Variants in UPP2 observed in about 807,000 individuals in gnomAD.
The protein encoded by UPP2 is UPase 2.
UPP2 carries 23 observed loss-of-function variants against 26.7 expected under a neutral mutation model. The observed-to-expected ratio is 0.86, with a 90% CI of 0.62 to 1.22. The LOEUF is 1.22. Ranked by LOEUF, UPP2 falls within the 50% of genes most tolerant of loss-of-function variation. The probability of loss-of-function intolerance (pLI) is 0.00; values close to 1 mark genes in which losing one functional copy is unlikely to be tolerated. For synonymous variants in UPP2, 127 were observed against 141.3 expected (o/e 0.90, Z 0.72); for missense variants, 387 against 396.7 (o/e 0.98, Z 0.21).
intron 3 of UPP2, among the ~76,000 whole-genome samples, chr2:158,057,435 T>C (rs1033319833): frequency 3.3e-5 from 5 of 152,184 alleles, no homozygotes; most frequent in African/African-American, 1.2e-4. Flanking sequence ...TCATGGATAT[T>C]TTATACATTG....
intron 3 of UPP2, among the ~76,000 whole-genome samples, chr2:158,027,340 A>G (rs754504496): frequency 6.6e-6 from 1 of 152,214 alleles, no homozygotes; most frequent in Non-Finnish European, 1.5e-5. Context: ...GCAATTGGAC[A>G]AAACAAAGGG....
chr2:158,061,386 A>C (rs1365898924), intron 3 of UPP2, among the ~76,000 whole-genome samples: 2 of 152,164 alleles, frequency 1.3e-5, no homozygotes, highest in African/African-American at 4.8e-5. Context: ...TGTAGAGATG[A>C]ATTAGCCCAA....
At chr2:158,128,521 C>T (rs1558942031) in intron 6 of UPP2, among the ~76,000 whole-genome samples, 1 of 152,172 alleles carries the variant, frequency 6.6e-6, no homozygotes. Flanking sequence ...TTGCAGGGCT[C>T]TTCACCTTTA....
chr2:158,127,349 C>A (rs1361867806), intron 6 of UPP2, among the ~76,000 whole-genome samples: 1 of 152,086 alleles, frequency 6.6e-6, no homozygotes, highest in Admixed American at 6.6e-5. Flanking sequence ...TTGATTATTT[C>A]TCTCCATTAG....
chr2:158,070,450 C>T (rs183684796), intron 3 of UPP2, among the ~76,000 whole-genome samples: 2 of 152,210 alleles, frequency 1.3e-5, no homozygotes, highest in African/African-American at 4.8e-5. Flanking sequence ...TAACTGAGAA[C>T]AAGAAAAGCT....
chr2:158,008,228 A>G (rs1441826070), intron 2 of UPP2, among the ~76,000 whole-genome samples: 1 of 152,228 alleles, frequency 6.6e-6, no homozygotes, highest in African/African-American at 2.4e-5. Context: ...ACTTTGCCAG[A>G]GTGTCTCAGG....
intron 3 of UPP2, among the ~76,000 whole-genome samples, chr2:158,038,284 G>T (rs781310394): frequency 6.6e-6 from 1 of 152,202 alleles, no homozygotes; most frequent in Non-Finnish European, 1.5e-5. Context: ...AAACAGAAAA[G>T]AAAATATTCC....
rs1398136638 is a variant in UPP2 at position 158,031,818 on chromosome 2, G to GGTA, written c.147+15932_147+15933insGTA. The stretch of plus-strand genomic sequence containing the variant: ...ACATTTTTGGTTTTCTTCAAAACTG[G>GGTA]AATCCCTTGGATGGGTAAAATACTA... On this transcript the variant is annotated intron_variant, in intron 3 of 9. Transcript: ENST00000605860. Among the ~76,000 whole-genome samples the GGTA allele has an allele frequency of 6.0e-4, 92 of 152,286 alleles. 4 individuals carry two copies. The South Asian group carries it at 0.018, about 30-fold the overall frequency.
intron 3 of UPP2, among the ~76,000 whole-genome samples, chr2:158,077,753 C>G (rs1045636504): frequency 1.3e-5 from 2 of 152,028 alleles, no homozygotes; most frequent in Non-Finnish European, 2.9e-5. Flanking sequence ...CAAGCACAGG[C>G]AACCAAAGCA....
intron 3 of UPP2, among the ~76,000 whole-genome samples, chr2:158,061,653 C>T (rs1450519222): frequency 6.6e-6 from 1 of 152,224 alleles, no homozygotes; most frequent in African/African-American, 2.4e-5. Context: ...CAGACAGTAT[C>T]ACTGTCTCTT....
At chr2:158,017,993 A>G (rs1683686699) in intron 3 of UPP2, among the ~76,000 whole-genome samples, 1 of 152,224 alleles carries the variant, frequency 6.6e-6, no homozygotes, top group Admixed American at 6.5e-5. Flanking sequence ...TCTTTACCTT[A>G]ACACTGTATG....
At chr2:158,040,143 CT>C (rs1184330306) in intron 3 of UPP2, among the ~76,000 whole-genome samples, 10 of 152,208 alleles carry the variant, frequency 6.6e-5, no homozygotes, top group Admixed American at 3.3e-4. Context: ...CTCCAACGTC[CT>C]TTTGCAGGGA....
chr2:158,035,569 A>G (rs1683988597), intron 3 of UPP2, among the ~76,000 whole-genome samples: 1 of 152,130 alleles, frequency 6.6e-6, no homozygotes, highest in South Asian at 2.1e-4. Flanking sequence ...CAGAATCTTG[A>G]TGGGTTATTA....
At chr2:158,134,720 C>A (rs921772391) in intron 6 of UPP2, 28 bp from the exon 7 acceptor site, 13 of 1,566,878 alleles carry the variant, frequency 8.3e-6, no homozygotes, top group Admixed American at 1.8e-5. Context: ...CCCATTCATT[C>A]CATCAGTTGT....
intron 3 of UPP2, among the ~76,000 whole-genome samples, chr2:158,077,554 C>A (rs1367692135): frequency 6.6e-6 from 1 of 151,720 alleles, no homozygotes; most frequent in African/African-American, 2.4e-5. Context: ...AAGACAGTCT[C>A]TTTAAGGTGC....
In UPP2 at chr2:157,998,556, T is replaced by C. The variant is rs140340703; in HGVS notation, c.61+3297T>C. The stretch of plus-strand genomic sequence containing the variant: ...GCGGCTCATGCCTGTAATCCCAGCA[T>C]TTTGAGAGGCCCAGGTGGCTGGATC... On this transcript the variant is annotated intron_variant, in intron 2 of 9. Coordinates refer to the UPP2 transcript ENST00000605860. 8.7e-3 allele frequency among the ~76,000 whole-genome samples: 1,322 copies of C among 152,204 alleles called. 24 individuals are homozygous for C. Among genetic ancestry groups the C allele is most frequent in the African/African-American group, 0.03 (1,255 of 41,536 alleles).
At chr2:158,120,125 T>G (rs752723261) in intron 4 of UPP2, among the ~76,000 whole-genome samples, 4 of 151,998 alleles carry the variant, frequency 2.6e-5, no homozygotes, top group Non-Finnish European at 4.4e-5. Flanking sequence ...ATTTTGTAAT[T>G]AAGTCTACTT....
At chr2:158,042,865 G>T (rs1307022598) in intron 3 of UPP2, among the ~76,000 whole-genome samples, 1 of 152,102 alleles carries the variant, frequency 6.6e-6, no homozygotes, top group East Asian at 1.9e-4. Context: ...TGGAGGAAAC[G>T]AATGATTTCC....
chr2:158,125,181 T>G (rs556429765), intron 6 of UPP2, among the ~76,000 whole-genome samples: 3 of 152,290 alleles, frequency 2.0e-5, no homozygotes, highest in African/African-American at 7.2e-5. Flanking sequence ...TAAAGCTTCA[T>G]TTTTATAAGT....
Sources: allele counts gnomAD v4.1 joint callset (sites outside exome capture counted in the v4.1 genomes callset), GRCh38; gene constraint gnomAD v4.1.1; transcripts MANE v1.5; gene names NCBI Gene and HGNC (gene_info 2026-07-23, HGNC 2026-07-21).